NEK7: variants seen among roughly 807,000 people sequenced by gnomAD.
The protein encoded by NEK7 is NIMA related kinase 7, also known as serine/threonine-protein kinase Nek7.
NEK7 carries 18 observed loss-of-function variants against 44.6 expected under a neutral mutation model. The observed-to-expected ratio is 0.40, with a 90% CI of 0.28 to 0.60. The LOEUF is 0.60. NEK7 is among the 20% of genes least tolerant of loss of function. The pLI, the probability that NEK7 is intolerant of heterozygous loss-of-function variation, is 0.38. For synonymous variants in NEK7, 130 were observed against 121.1 expected (o/e 1.07, Z -0.48); for missense variants, 256 against 366.5 (o/e 0.70, Z 2.46).
At chr1:198,268,487 T>C (rs1012527943) in intron 5 of NEK7, among the ~76,000 whole-genome samples, 1 of 152,086 alleles carries the variant, frequency 6.6e-6, no homozygotes, top group Admixed American at 6.6e-5. Context: ...CCCAGCTCCC[T>C]TTCCATTTCT....
chr1:198,252,627 G>A (rs1161737584), intron 2 of NEK7, among the ~76,000 whole-genome samples: 3 of 91,158 alleles, frequency 3.3e-5, no homozygotes, highest in Admixed American at 2.7e-4. Flanking sequence ...ACATGTATAT[G>A]TATGTTTTAT....
At position 198,204,819 on chromosome 1, in the gene NEK7, A is replaced by G. The variant is rs192238009; in HGVS notation, c.-28-27734A>G. 3.9e-3 allele frequency among the ~76,000 whole-genome samples: 596 copies of G among 152,106 alleles called. 2 individuals carry two copies. Among genetic ancestry groups the G allele is most frequent in the Non-Finnish European group, 6.8e-3 (464 of 67,994 alleles). On this transcript the variant is annotated intron_variant, in intron 1 of 9. Coordinates refer to ENST00000367385, the MANE Select transcript of NEK7 (RefSeq NM_133494.3). ...CAATTTGAGGAATAAAACACATTTT[A>G]TATAGATTTGTAACTAATGTGTGAC... is the stretch of plus-strand genomic sequence containing the variant.
chr1:198,208,684 T>A (rs1465658484), intron 1 of NEK7: 4 of 152,240 alleles, frequency 2.6e-5, no homozygotes, highest in Non-Finnish European at 5.9e-5. Flanking sequence ...TCAGCTTTTG[T>A]CAATTAAGAT....
intron 3 of NEK7, among the ~76,000 whole-genome samples, chr1:198,255,356 G>T (rs1398083265): frequency 6.6e-6 from 1 of 152,136 alleles, no homozygotes; most frequent in African/African-American, 2.4e-5. Flanking sequence ...GAGGTTGGAT[G>T]GATTGAGATC....
At chr1:198,286,454 T>A (rs1230939596) in intron 7 of NEK7, among the ~76,000 whole-genome samples, 2 of 151,918 alleles carry the variant, frequency 1.3e-5, no homozygotes, top group Non-Finnish European at 2.9e-5. Flanking sequence ...TATGCATTTT[T>A]CTCTTACCCC....
chr1:198,242,607 G>A (rs752976486), intron 2 of NEK7, among the ~76,000 whole-genome samples: 4 of 150,586 alleles, frequency 2.7e-5, no homozygotes, highest in South Asian at 2.1e-4. Context: ...GACCACAGGC[G>A]TGCGCTACTA....
At chr1:198,284,101 A>G (rs1258702566) in intron 7 of NEK7, among the ~76,000 whole-genome samples, 1 of 152,104 alleles carries the variant, frequency 6.6e-6, no homozygotes, top group African/African-American at 2.4e-5. Context: ...CAGTTTGCAA[A>G]TCATTCAACT....
At chr1:198,286,496 A>G (rs888174293) in intron 7 of NEK7, among the ~76,000 whole-genome samples, 7 of 151,134 alleles carry the variant, frequency 4.6e-5, no homozygotes, top group Non-Finnish European at 8.8e-5. Flanking sequence ...GGTGTGAGGT[A>G]GGTCCATACC....
In NEK7 at chr1:198,245,066, T is replaced by C. The variant is rs116983677; in HGVS notation, c.58-7974T>C. The C allele has an allele frequency of 4.4e-5, 7 of 160,914 alleles. No individual in the cohort carries two copies. In the East Asian group the frequency reaches 1.2e-3, roughly 27 times the overall value. 10.0% of individuals were successfully genotyped at this position (160,914 alleles called of 1,614,324 possible). The stretch of plus-strand genomic sequence containing the variant: ...TGTATTATATAATGTGTTCTTACAA[T>C]AAAATAAACTACAGAAAAGGAAATG... On this transcript the variant is annotated intron_variant, in intron 2 of 9. Transcript: ENST00000367385.
At chr1:198,231,970 A>G (rs1392424086) in intron 1 of NEK7, among the ~76,000 whole-genome samples, 1 of 152,050 alleles carries the variant, frequency 6.6e-6, no homozygotes, top group Middle Eastern at 3.2e-3. Flanking sequence ...AAATATTTCA[A>G]TTTTTGAGTC....
At chr1:198,283,574 G>C (rs1654276973) in intron 7 of NEK7, among the ~76,000 whole-genome samples, 1 of 152,026 alleles carries the variant, frequency 6.6e-6, no homozygotes, top group South Asian at 2.1e-4. Flanking sequence ...TTTGTATGGA[G>C]GTGTGGCTAG....
chr1:198,177,461 C>T (rs1239401716), intron 1 of NEK7, among the ~76,000 whole-genome samples: 2 of 151,928 alleles, frequency 1.3e-5, no homozygotes, highest in African/African-American at 4.8e-5. Context: ...TTATTTTCAA[C>T]GTTCAGAGAC....
At chr1:198,311,495 A>C (rs1426324412) in intron 9 of NEK7, among the ~76,000 whole-genome samples, 1 of 151,072 alleles carries the variant, frequency 6.6e-6, no homozygotes, top group Non-Finnish European at 1.5e-5. Flanking sequence ...GTGGTGAGAG[A>C]GGGCATCCCT....
intron 1 of NEK7, among the ~76,000 whole-genome samples, chr1:198,196,992 G>T (rs149524969): frequency 2.6e-5 from 4 of 152,132 alleles, no homozygotes; most frequent in Non-Finnish European, 4.4e-5. Context: ...GACTTTTTGT[G>T]TACCACTAAA....
At chr1:198,235,484 G>A (rs549606895) in intron 2 of NEK7, among the ~76,000 whole-genome samples, 1 of 151,556 alleles carries the variant, frequency 6.6e-6, no homozygotes, top group South Asian at 2.1e-4. Flanking sequence ...CATTGCCTTT[G>A]GACTCTTGTT....
intron 1 of NEK7, among the ~76,000 whole-genome samples, chr1:198,192,515 G>A (rs921261801): frequency 2.6e-5 from 4 of 152,018 alleles, no homozygotes; most frequent in Non-Finnish European, 4.4e-5. Context: ...GTAGATGGTG[G>A]TATTTACCAG....
At chr1:198,276,205 G>T (rs12402025) in intron 5 of NEK7, among the ~76,000 whole-genome samples, 3 of 151,420 alleles carry the variant, frequency 2.0e-5, no homozygotes, top group African/African-American at 4.8e-5. Context: ...TTTTCTTTTA[G>T]ATTTGATTTC....
intron 9 of NEK7, among the ~76,000 whole-genome samples, chr1:198,301,269 G>C (rs1421969530): frequency 6.6e-6 from 1 of 152,170 alleles, no homozygotes; most frequent in Non-Finnish European, 1.5e-5. Flanking sequence ...AACATTTATG[G>C]GCCGGGCGCT....
At chr1:198,196,286 C>G (rs1479806405) in intron 1 of NEK7, among the ~76,000 whole-genome samples, 1 of 152,198 alleles carries the variant, frequency 6.6e-6, no homozygotes, top group East Asian at 1.9e-4. Context: ...TGCATGAGAA[C>G]AGAGTTCTCA....
Sources: gnomAD v4.1 joint callset for allele counts (sites outside exome capture counted in the v4.1 genomes callset) on GRCh38, gnomAD v4.1.1 for gene constraint, MANE v1.5 for transcripts, NCBI Gene and HGNC (gene_info 2026-07-23, HGNC 2026-07-21) for gene names.